The following RFTN1 variants were observed in gnomAD, a reference collection of about 807,000 sequenced individuals.
RFTN1 encodes raftlin.
RFTN1 carries 26 observed loss-of-function variants against 46.5 expected under a neutral mutation model. That is an observed-to-expected ratio of 0.56 (90% CI 0.41 to 0.78). The LOEUF is 0.78. RFTN1 is among the 30% of genes least tolerant of loss of function. The probability of loss-of-function intolerance (pLI) is 0.00; values close to 1 mark genes in which losing one functional copy is unlikely to be tolerated. For synonymous variants in RFTN1, 261 were observed against 284.2 expected (o/e 0.92, Z 0.82); for missense variants, 693 against 718.7 (o/e 0.96, Z 0.41).
chr3:16,395,054 A>AG (rs1269429486), intron 4 of RFTN1, among the ~76,000 whole-genome samples: 2 of 152,394 alleles, frequency 1.3e-5, no homozygotes, highest in Middle Eastern at 3.4e-3. Flanking sequence ...ATTTAAACAC[A>AG]GGGGAAAAGC....
At position 16,427,622 on chromosome 3, in the gene RFTN1, T is replaced by C. The variant is rs183514234; in HGVS notation, c.332+6229A>G. Among the ~76,000 whole-genome samples the C allele has an allele frequency of 6.6e-6, 1 of 152,312 alleles. No individual in the cohort carries two copies. The highest frequency in any genetic ancestry group is 1.9e-4 in the East Asian group (1 of 5,192). On this transcript the variant is annotated intron_variant, in intron 3 of 9. Transcript: ENST00000334133. The surrounding 1 kb of genome is among the most constrained non-coding windows in gnomAD (Gnocchi z 5.4). ...CAATTTGGGATGAAGCAGCTCACCG[T>C]AACTCTCAACAACCCACTGCATCTC...
At chr3:16,455,231 T>A (rs2075885802) in intron 2 of RFTN1, among the ~76,000 whole-genome samples, 1 of 152,230 alleles carries the variant, frequency 6.6e-6, no homozygotes. Flanking sequence ...GAGCATTTGC[T>A]CTGTGGTGTT....
At chr3:16,430,801 A>T (rs2075369712) in intron 3 of RFTN1, among the ~76,000 whole-genome samples, 1 of 152,192 alleles carries the variant, frequency 6.6e-6, no homozygotes, top group Non-Finnish European at 1.5e-5. Context: ...CTCAAACCCA[A>T]GGAGACTGCC....
rs1197787196 is a variant in RFTN1, at chr3:16,410,521, T to C, written c.333-1038A>G. On this transcript the variant is annotated intron_variant, in intron 3 of 9. Coordinates refer to ENST00000334133, the MANE Select transcript of RFTN1 (RefSeq NM_015150.2). The surrounding 1 kb of genome is among the most constrained non-coding windows in gnomAD (Gnocchi z 4.6). The stretch of plus-strand genomic sequence containing the variant: ...CTATATCACTTAGAAAATTAAAAAT[T>C]AATTTTTAAAAGACTTTAAAAGGGT... Among the ~76,000 whole-genome samples the C allele has an allele frequency of 6.6e-6, 1 of 152,210 alleles. No individual in the cohort carries two copies. The highest frequency in any genetic ancestry group is 2.4e-5 in the African/African-American group (1 of 41,434).
In RFTN1 at chr3:16,509,420, A is replaced by G. The variant is rs2076862863; in HGVS notation, c.-9+4022T>C. Among the ~76,000 whole-genome samples, 1 of 152,206 alleles carries G rather than the reference A, an allele frequency of 6.6e-6. No homozygotes were observed. Among genetic ancestry groups the G allele is most frequent in the Admixed American group, 6.5e-5 (1 of 15,280 alleles). Reference sequence around the variant, plus strand: ...GAACTTAGGGAAAGTTAACCTTGCAAGCTTCAATTTCCTCAGGGCTGAAGT... The same window carrying G: ...GAACTTAGGGAAAGTTAACCTTGCAGGCTTCAATTTCCTCAGGGCTGAAGT... On this transcript the variant is annotated intron_variant, in intron 1 of 9. Transcript: ENST00000334133. This position sits in a 1 kb window ranked among gnomAD's most constrained non-coding sequence, Gnocchi z 4.9.
At position 16,338,727 on chromosome 3, in the gene RFTN1, A is replaced by T. The variant is rs1281319662; in HGVS notation, c.1147-11851T>A. On this transcript the variant is annotated intron_variant, in intron 7 of 9. Transcript: ENST00000334133. This position sits in a 1 kb window ranked among gnomAD's most constrained non-coding sequence, Gnocchi z 5.3. ...AGAGATGAATGAGGGATCCTATATC[A>T]TATCTTTAGCCCTTCTTTCTGATTT... 6.6e-6 allele frequency among the ~76,000 whole-genome samples: 1 copy of T among 152,216 alleles called. No homozygotes were observed. Among genetic ancestry groups the T allele is most frequent in the Admixed American group, 6.5e-5 (1 of 15,276 alleles).
chr3:16,482,684 A>T, intron 2 of RFTN1: 1 of 1,245,272 alleles, frequency 8.0e-7, no homozygotes, highest in South Asian at 1.3e-5. Flanking sequence ...GACACTGAGC[A>T]CCATGCATGC....
At chr3:16,369,938 A>C (rs1575156480) in intron 6 of RFTN1, 138 bp downstream of exon 6, 1 of 798,160 alleles carries the variant, frequency 1.3e-6, no homozygotes. Context: ...AAGATGTGTT[A>C]ATTAGAAATA....
chr3:16,470,230 G>GCACACACACA lies in RFTN1; in HGVS notation c.145+23485_145+23494dup, dbSNP rs200435969. ...TAACAACTATAAACTCTGCACACAC[G>GCACACACACA]CACACACACACACACACACATACAG... On this transcript the variant is annotated intron_variant, in intron 2 of 9. Transcript: ENST00000334133. Among the ~76,000 whole-genome samples the GCACACACACA allele has an allele frequency of 6.4e-4, 96 of 148,894 alleles. 1 individual carries two copies. The highest frequency in any genetic ancestry group is 7.0e-3 in the Middle Eastern group (2 of 286).
rs548346369 is a variant in RFTN1, at chr3:16,427,993, A to G, written c.332+5858T>C. On this transcript the variant is annotated intron_variant, in intron 3 of 9. Coordinates refer to ENST00000334133, the MANE Select transcript of RFTN1 (RefSeq NM_015150.2). The surrounding 1 kb of genome is among the most constrained non-coding windows in gnomAD (Gnocchi z 5.4). Reference sequence around the variant, plus strand: ...GATGCAAACCAAGACCTGTAGACTTACCTGGGCAATTATATAATTTGCACA... The same window carrying G: ...GATGCAAACCAAGACCTGTAGACTTGCCTGGGCAATTATATAATTTGCACA... 2.2e-4 allele frequency among the ~76,000 whole-genome samples: 34 copies of G among 152,098 alleles called. No homozygotes were observed. The highest frequency in any genetic ancestry group is 1.9e-3 in the Admixed American group (29 of 15,300).
chr3:16,395,584 T>C (rs1302094493), intron 4 of RFTN1, among the ~76,000 whole-genome samples: 1 of 152,186 alleles, frequency 6.6e-6, no homozygotes, highest in African/African-American at 2.4e-5. Context: ...TGGCTGGGAT[T>C]ACAGACATGC....
intron 1 of RFTN1, among the ~76,000 whole-genome samples, chr3:16,494,293 G>C (rs745884526): frequency 1.3e-5 from 2 of 152,210 alleles, no homozygotes; most frequent in Non-Finnish European, 2.9e-5. Flanking sequence ...CACCTTCACT[G>C]TGGTTGCTAA....
rs771647672 is a variant in RFTN1, at chr3:16,475,237, A to G, written c.145+18488T>C. ...CTTCTTGTACAGCTGGTGGAATCAT[A>G]ATCCAAATAAACTTTTTTTCTTTAT... is the stretch of plus-strand genomic sequence containing the variant. On this transcript the variant is annotated intron_variant, in intron 2 of 9. Coordinates refer to ENST00000334133, the MANE Select transcript of RFTN1 (RefSeq NM_015150.2). The surrounding 1 kb of genome is among the most constrained non-coding windows in gnomAD (Gnocchi z 4.2). 4.5e-4 allele frequency among the ~76,000 whole-genome samples: 69 copies of G among 152,328 alleles called. No homozygotes were observed. The Middle Eastern group carries it at 0.014, about 30-fold the overall frequency.
chr3:16,509,056 C>T lies in RFTN1; in HGVS notation c.-9+4386G>A, dbSNP rs2076857228. Among the ~76,000 whole-genome samples, 1 of 152,130 alleles carries T rather than the reference C, an allele frequency of 6.6e-6. No homozygotes were observed. Among genetic ancestry groups the T allele is most frequent in the Non-Finnish European group, 1.5e-5 (1 of 68,028 alleles). On this transcript the variant is annotated intron_variant, in intron 1 of 9. Coordinates refer to ENST00000334133, the MANE Select transcript of RFTN1 (RefSeq NM_015150.2). The surrounding 1 kb of genome is among the most constrained non-coding windows in gnomAD (Gnocchi z 4.9). ...TGTAACTAGTGGCTACTGTATTGAA[C>T]AGTTCAGCTGGCAACGTCTTTCTGT...
intron 2 of RFTN1, chr3:16,454,700 A>T: frequency 1.1e-6 from 1 of 924,604 alleles, no homozygotes; most frequent in South Asian, 5.0e-5. Context: ...CATCCTTCAC[A>T]ACTCTTTCTA....
At chr3:16,502,728 T>C (rs1439469098) in intron 1 of RFTN1, among the ~76,000 whole-genome samples, 3 of 152,234 alleles carry the variant, frequency 2.0e-5, no homozygotes, top group Non-Finnish European at 4.4e-5. Flanking sequence ...TCAGCACCCA[T>C]GTGGAAGTAG....
chr3:16,390,472 C>G (rs2074317959), intron 4 of RFTN1, among the ~76,000 whole-genome samples: 1 of 101,068 alleles, frequency 9.9e-6, no homozygotes, highest in African/African-American at 2.9e-5. Flanking sequence ...AAGCAGGTAG[C>G]CTTGAGGTAA....
At chr3:16,492,703 C>G (rs1241850774) in intron 2 of RFTN1, among the ~76,000 whole-genome samples, 1 of 152,214 alleles carries the variant, frequency 6.6e-6, no homozygotes, top group African/African-American at 2.4e-5. Context: ...CATGTTCTTC[C>G]TCTTCCAAAA....
chr3:16,391,880 TTG>T (rs2074354966), intron 4 of RFTN1, among the ~76,000 whole-genome samples: 1 of 25,914 alleles, frequency 3.9e-5, no homozygotes, highest in East Asian at 7.3e-4. Context: ...TTTTTTTTTT[TTG>T]TTTTTTTTTT....
Sources: allele counts gnomAD v4.1 joint callset (sites outside exome capture counted in the v4.1 genomes callset), GRCh38; gene constraint gnomAD v4.1.1; non-coding constraint Gnocchi (gnomAD v3.1); transcripts MANE v1.5; gene names NCBI Gene and HGNC (gene_info 2026-07-23, HGNC 2026-07-21).